Variants in TNRC6C observed in about 807,000 individuals in gnomAD.
TNRC6C encodes trinucleotide repeat-containing gene 6C protein.
TNRC6C carries 20 observed loss-of-function variants against 153.7 expected under a neutral mutation model. That is an observed-to-expected ratio of 0.13 (90% CI 0.09 to 0.19). The LOEUF is 0.19. Among genes scored for constraint, TNRC6C ranks in the 10% least tolerant of loss-of-function variants. The pLI is 1.00. For synonymous variants in TNRC6C, 811 were observed against 841.4 expected, an observed-to-expected ratio of 0.96 and a Z score of 0.63; for missense variants, 1,987 against 2,172.0, an observed-to-expected ratio of 0.91 and a Z score of 1.69.
In TNRC6C at chr17:78,050,537, A is replaced by G. The variant is rs968198097; in HGVS notation, c.1475A>G (p.Lys492Arg). 4 of 1,613,912 alleles carry G rather than the reference A, an allele frequency of 2.5e-6. No homozygotes were observed. Among genetic ancestry groups the G allele is most frequent in the South Asian group, 2.2e-5 (2 of 91,056 alleles). Residue 492 changes from lysine to arginine, a missense_variant, in exon 3 of 20, where the codon AAG becomes AGG. Physicochemically the swap from Lys to Arg is conservative, Grantham distance 26. Coordinates refer to ENST00000301624, the Ensembl canonical transcript of TNRC6C. The stretch of plus-strand genomic sequence containing the variant: ...ACTCAGGCTTCAAACTCAGGGGGGA[A>G]GAACGATGGGTCCATCATGAACAGT...
intron 1 of TNRC6C, among the ~76,000 whole-genome samples, chr17:78,009,338 T>C (rs1281660149): frequency 2.6e-5 from 4 of 152,144 alleles, no homozygotes; most frequent in African/African-American, 9.7e-5. Flanking sequence ...TCAGTATTGT[T>C]TTCTGGGTGT....
At chr17:78,069,831 C>CGTGT (rs144224566) in intron 5 of TNRC6C, among the ~76,000 whole-genome samples, 2 of 151,720 alleles carry the variant, frequency 1.3e-5, no homozygotes, top group African/African-American at 4.8e-5. Flanking sequence ...AGGAAGAAAA[C>CGTGT]GTGTGTGTGT....
At chr17:77,990,952 G>A (rs1008306876) in intron 1 of TNRC6C, among the ~76,000 whole-genome samples, 18 of 152,092 alleles carry the variant, frequency 1.2e-4, no homozygotes, top group African/African-American at 4.3e-4. Flanking sequence ...GCATCTTACA[G>A]TCAATGGCCT....
At chr17:77,985,601 CAA>C (rs1229331703) in intron 1 of TNRC6C, among the ~76,000 whole-genome samples, 3 of 96,234 alleles carry the variant, frequency 3.1e-5, no homozygotes. Context: ...GACTCCGTCT[CAA>C]AAAAAAAAAA....
chr17:78,082,241 G>T (rs916215500), intron 10 of TNRC6C, among the ~76,000 whole-genome samples: 2 of 151,072 alleles, frequency 1.3e-5, no homozygotes, highest in African/African-American at 4.9e-5. Flanking sequence ...GGATATACCG[G>T]CATTTATTAC....
chr17:78,070,493 A>G (rs4789528), intron 5 of TNRC6C, among the ~76,000 whole-genome samples: 1 of 151,976 alleles, frequency 6.6e-6, no homozygotes, highest in South Asian at 2.1e-4. Flanking sequence ...TGTGGTGCCG[A>G]GCCCTCCCCC....
intron 2 of TNRC6C, among the ~76,000 whole-genome samples, chr17:78,032,887 C>G (rs1253370243): frequency 6.6e-6 from 1 of 152,190 alleles, no homozygotes; most frequent in Non-Finnish European, 1.5e-5. Flanking sequence ...CTTTCGTCTG[C>G]TAACCACTTG....
chr17:78,064,785 C>T (rs34293811), exon 4 of TNRC6C: 1 of 1,613,752 alleles, frequency 6.2e-7, no homozygotes, highest in Non-Finnish European at 8.5e-7. Flanking sequence ...TGGGGAGAAC[C>T]ATCCTCCCCT....
intron 1 of TNRC6C, among the ~76,000 whole-genome samples, chr17:78,024,898 A>G (rs1015923846): frequency 2.0e-5 from 3 of 150,466 alleles, no homozygotes; most frequent in Admixed American, 6.6e-5. Flanking sequence ...GGTTCAAGCA[A>G]CTCTCCTGCC....
intron 3 of TNRC6C, among the ~76,000 whole-genome samples, chr17:78,063,043 C>T (rs1245323236): frequency 2.0e-5 from 3 of 151,904 alleles, no homozygotes; most frequent in African/African-American, 7.3e-5. Flanking sequence ...GTCAGGAGTT[C>T]GAGACCAGCC....
intron 17 of TNRC6C, among the ~76,000 whole-genome samples, chr17:78,102,246 G>A (rs2073609969): frequency 6.6e-6 from 1 of 152,132 alleles, no homozygotes; most frequent in Non-Finnish European, 1.5e-5. Flanking sequence ...CTGGTGGGAA[G>A]ATCCAAAAAG....
chr17:78,050,114 C>A, exon 3 of TNRC6C: 1 of 1,607,170 alleles, frequency 6.2e-7, no homozygotes, highest in South Asian at 1.1e-5. Context: ...AACCAGCATT[C>A]CAACAGTGAC....
At chr17:77,977,050 CATT>C (rs1167972971) in intron 1 of TNRC6C, among the ~76,000 whole-genome samples, 2 of 146,136 alleles carry the variant, frequency 1.4e-5, no homozygotes, top group Admixed American at 6.9e-5. Flanking sequence ...TTGTATTAAT[CATT>C]ATATGATAAA....
At chr17:78,019,385 T>G (rs921416758) in intron 1 of TNRC6C, among the ~76,000 whole-genome samples, 1 of 152,234 alleles carries the variant, frequency 6.6e-6, no homozygotes, top group Non-Finnish European at 1.5e-5. Flanking sequence ...CTGAACTTTG[T>G]GTCCATACTG....
chr17:78,095,204 A>C (rs1467455651), intron 16 of TNRC6C, among the ~76,000 whole-genome samples: 5 of 152,200 alleles, frequency 3.3e-5, no homozygotes, highest in African/African-American at 1.2e-4. Flanking sequence ...TCCAGGCAGA[A>C]CCAGGGCCAC....
exon 13 of TNRC6C, chr17:78,086,961 C>T (rs779874446): frequency 3.1e-6 from 5 of 1,613,576 alleles, no homozygotes; most frequent in African/African-American, 2.7e-5. Context: ...CCCGCCGCAC[C>T]TGTCTCTGCA....
At chr17:78,089,613 T>A (rs551827638) in intron 13 of TNRC6C, among the ~76,000 whole-genome samples, 1 of 152,224 alleles carries the variant, frequency 6.6e-6, no homozygotes, top group South Asian at 2.1e-4. Context: ...TCTCAGTCTT[T>A]TGCCACCTGG....
At chr17:78,006,576 CTTCTTCT>C (rs1567911062) in intron 1 of TNRC6C, among the ~76,000 whole-genome samples, 9 of 125,652 alleles carry the variant, frequency 7.2e-5, no homozygotes, top group African/African-American at 1.8e-4. Flanking sequence ...TTCCTTCTTC[CTTCTTCT>C]TCCTTCTTCC....
chr17:78,099,611 A>C (rs1430701705), intron 17 of TNRC6C, among the ~76,000 whole-genome samples: 1 of 152,170 alleles, frequency 6.6e-6, no homozygotes, highest in East Asian at 1.9e-4. Flanking sequence ...TTAACCTCCC[A>C]CTGGGTTCCT....
Sources: allele counts gnomAD v4.1 joint callset (sites outside exome capture counted in the v4.1 genomes callset), GRCh38; gene constraint gnomAD v4.1.1; transcripts MANE v1.5; gene names NCBI Gene and HGNC (gene_info 2026-07-23, HGNC 2026-07-21).